Variants in REEP1 observed in about 807,000 individuals in gnomAD.
The protein encoded by REEP1 is receptor expression-enhancing protein 1.
A neutral mutation model predicts 40.3 loss-of-function variants in REEP1; 22 were observed. That is an observed-to-expected ratio of 0.55 (90% CI 0.39 to 0.78). The LOEUF (loss-of-function observed/expected upper bound fraction) is 0.78. Among genes scored for constraint, REEP1 ranks in the 30% least tolerant of loss-of-function variants. The pLI is 0.00. For missense variants in REEP1, 280 were observed against 361.1 expected (o/e 0.78, Z 1.82); for synonymous variants, 116 against 139.2 (o/e 0.83, Z 1.17).
intron 1 of REEP1, chr2:86,336,860 C>A (rs1189634254): frequency 6.6e-6 from 1 of 152,318 alleles, no homozygotes; most frequent in Non-Finnish European, 1.5e-5. Context: ...GGAGTCGGAG[C>A]CGGGGGCTCC....
At chr2:86,245,060 T>C (rs558383780) in intron 5 of REEP1, among the ~76,000 whole-genome samples, 1 of 152,138 alleles carries the variant, frequency 6.6e-6, no homozygotes, top group East Asian at 1.9e-4. Context: ...GCAGGGAGAA[T>C]TGCTTGAACC....
At chr2:86,226,400 T>A in intron 7 of REEP1, among the ~76,000 whole-genome samples, 1 of 65,966 alleles carries the variant, frequency 1.5e-5, no homozygotes, top group South Asian at 4.8e-4. Flanking sequence ...AGGACCTTAG[T>A]CCTCTGAAGT....
chr2:86,282,398 C>T (rs1300474190), intron 1 of REEP1, among the ~76,000 whole-genome samples, 156 bp from the exon 2 acceptor site: 1 of 152,090 alleles, frequency 6.6e-6, no homozygotes, highest in Non-Finnish European at 1.5e-5. Context: ...GTGTTCTGCT[C>T]GTGGCTGGGG....
At chr2:86,296,635 T>A (rs1678996531) in intron 1 of REEP1, among the ~76,000 whole-genome samples, 1 of 152,184 alleles carries the variant, frequency 6.6e-6, no homozygotes, top group Non-Finnish European at 1.5e-5. Flanking sequence ...GGCAGGCGGA[T>A]CACCTGAGGT....
intron 1 of REEP1, among the ~76,000 whole-genome samples, chr2:86,306,502 G>GA (rs1679485128): frequency 6.6e-6 from 1 of 151,994 alleles, no homozygotes; most frequent in Non-Finnish European, 1.5e-5. Flanking sequence ...TCATCCATCA[G>GA]AAAAAAACAC....
chr2:86,271,564 G>T (rs1381981866), intron 2 of REEP1, among the ~76,000 whole-genome samples: 1 of 152,156 alleles, frequency 6.6e-6, no homozygotes, highest in Non-Finnish European at 1.5e-5. Flanking sequence ...AAAAATGAAA[G>T]CTGTTCTGGT....
In REEP1 at chr2:86,337,461, G is replaced by A; in HGVS notation, c.32+18C>T. On this transcript the variant is annotated intron_variant, in intron 1 of 8. Coordinates refer to ENST00000538924, the MANE Select transcript of REEP1 (RefSeq NM_001371279.1). The surrounding 1 kb of genome is among the most constrained non-coding windows in gnomAD (Gnocchi z 5.8). ...GGGAGGGAGGGGACGGAGGGGCGCG[G>A]GGGAGAAGGCCACTTACACCACCAG... is the stretch of plus-strand genomic sequence containing the variant. The A allele has an allele frequency of 3.1e-6, 4 of 1,271,680 alleles. No homozygotes were observed. The highest frequency in any genetic ancestry group is 4.0e-6 in the Non-Finnish European group (4 of 1,003,602). The allele number at this position is 1,271,680 out of a possible 1,614,324, so 78.8% of individuals were successfully genotyped here.
At chr2:86,227,145 G>A (rs146860388) in intron 7 of REEP1, among the ~76,000 whole-genome samples, 1 of 152,204 alleles carries the variant, frequency 6.6e-6, no homozygotes, top group Non-Finnish European at 1.5e-5. Flanking sequence ...CCTCTTGAGA[G>A]ACCCTGAGCT....
intron 1 of REEP1, among the ~76,000 whole-genome samples, chr2:86,330,173 G>A (rs528536201): frequency 6.6e-6 from 1 of 152,316 alleles, no homozygotes; most frequent in South Asian, 2.1e-4. Context: ...GAAGGAGTAT[G>A]TCAGGATTCT....
chr2:86,223,244 G>A (rs1674518778), intron 7 of REEP1, among the ~76,000 whole-genome samples: 1 of 152,218 alleles, frequency 6.6e-6, no homozygotes. Flanking sequence ...CAGGGCTACA[G>A]CAGCCAGGGC....
chr2:86,258,405 T>C (rs1676684304), intron 3 of REEP1, among the ~76,000 whole-genome samples: 1 of 152,248 alleles, frequency 6.6e-6, no homozygotes, highest in South Asian at 2.1e-4. Context: ...AAAGATCATA[T>C]GGCCTGAAAG....
At chr2:86,322,028 C>T (rs1009317927) in intron 1 of REEP1, among the ~76,000 whole-genome samples, 2 of 152,154 alleles carry the variant, frequency 1.3e-5, no homozygotes, top group African/African-American at 4.8e-5. Context: ...AAAGAATCTA[C>T]AGGTAAGCAA....
chr2:86,325,649 G>A (rs929244013), intron 1 of REEP1, among the ~76,000 whole-genome samples: 4 of 152,148 alleles, frequency 2.6e-5, no homozygotes, highest in Non-Finnish European at 5.9e-5. Flanking sequence ...ATGCAGCCAC[G>A]AGGAATGCCG....
chr2:86,240,990 C>G (rs1290635279), intron 5 of REEP1, among the ~76,000 whole-genome samples: 1 of 152,122 alleles, frequency 6.6e-6, no homozygotes, highest in Non-Finnish European at 1.5e-5. Flanking sequence ...GAGTGGAAGC[C>G]TGGGAGGTTA....
intron 2 of REEP1, chr2:86,280,058 G>C (rs1189343893): frequency 2.2e-6 from 1 of 456,368 alleles, no homozygotes; most frequent in Middle Eastern, 3.3e-4. Context: ...GGGATGAAGG[G>C]ACATGGTCAC....
chr2:86,311,975 T>C (rs974096769), intron 1 of REEP1, among the ~76,000 whole-genome samples: 2 of 152,134 alleles, frequency 1.3e-5, no homozygotes, highest in African/African-American at 2.4e-5. Context: ...GATTTGCACA[T>C]GTGTGGTTCA....
chr2:86,299,720 AC>A (rs1197740137), intron 1 of REEP1, among the ~76,000 whole-genome samples: 1 of 152,242 alleles, frequency 6.6e-6, no homozygotes, highest in African/African-American at 2.4e-5. Flanking sequence ...TTTATTGGCT[AC>A]TAATAAAGTA....
At chr2:86,219,485 G>A (rs1427721573) in intron 8 of REEP1, among the ~76,000 whole-genome samples, 3 of 141,452 alleles carry the variant, frequency 2.1e-5, no homozygotes, top group East Asian at 4.1e-4. Flanking sequence ...GAGTCTCGCT[G>A]TGTCATCCCG....
chr2:86,231,414 T>C (rs1186382627), intron 6 of REEP1, among the ~76,000 whole-genome samples: 3 of 152,246 alleles, frequency 2.0e-5, no homozygotes, highest in East Asian at 3.9e-4. Context: ...AGGGAGGAAA[T>C]GGACGGAGCC....
Sources: gnomAD v4.1 joint callset for allele counts (sites outside exome capture counted in the v4.1 genomes callset) on GRCh38, gnomAD v4.1.1 for gene constraint, Gnocchi (gnomAD v3.1) non-coding constraint, MANE v1.5 for transcripts, NCBI Gene and HGNC (gene_info 2026-07-23, HGNC 2026-07-21) for gene names.